RIMS1: variants seen among roughly 807,000 people sequenced by gnomAD.
RIMS1 encodes the protein regulating synaptic membrane exocytosis 1, also known as regulating synaptic membrane exocytosis protein 1.
Under a neutral mutation model 214.1 loss-of-function variants are expected in RIMS1, and 83 were observed. The observed-to-expected ratio is 0.39, with a 90% CI of 0.32 to 0.47. The LOEUF (loss-of-function observed/expected upper bound fraction) is 0.47. Ranked by LOEUF, RIMS1 falls within the 20% of genes least tolerant of loss-of-function variation. The pLI is 0.99. For synonymous variants in RIMS1, 793 were observed against 786.8 expected (o/e 1.01, Z -0.13); for missense variants, 2,050 against 2,161.8 (o/e 0.95, Z 1.03).
intron 4 of RIMS1, among the ~76,000 whole-genome samples, chr6:72,150,709 A>G (rs1369828394): frequency 6.6e-6 from 1 of 152,166 alleles, no homozygotes; most frequent in South Asian, 2.1e-4. Context: ...TTGCCTGTTC[A>G]TTTTGTTTGT....
At chr6:72,353,991 A>G (rs1594917123) in intron 29 of RIMS1, among the ~76,000 whole-genome samples, 2 of 152,014 alleles carry the variant, frequency 1.3e-5, no homozygotes, top group Non-Finnish European at 2.9e-5. Context: ...AGGCCGAGGA[A>G]GGTGAATCAC....
At chr6:72,381,568 T>C (rs570399793) in intron 29 of RIMS1, among the ~76,000 whole-genome samples, 3 of 152,348 alleles carry the variant, frequency 2.0e-5, no homozygotes, top group African/African-American at 7.2e-5. Context: ...TACTTAAATA[T>C]TTTTGGGCAG....
chr6:72,196,367 C>CTGTT (rs1185884223), intron 6 of RIMS1, among the ~76,000 whole-genome samples: 147 of 121,048 alleles, frequency 1.2e-3, no homozygotes, highest in African/African-American at 4.5e-3. Flanking sequence ...GTCTGTCTGT[C>CTGTT]TGTCTGTCTG....
chr6:72,242,211 A>G (rs1394901452), intron 9 of RIMS1, 103 bp from the exon 10 acceptor site: 1 of 902,116 alleles, frequency 1.1e-6, no homozygotes, highest in Non-Finnish European at 1.7e-6. Context: ...AGACAATTAA[A>G]CTATTTGTAT....
At chr6:72,006,888 A>C (rs1276710312) in intron 2 of RIMS1, among the ~76,000 whole-genome samples, 1 of 152,142 alleles carries the variant, frequency 6.6e-6, no homozygotes, top group East Asian at 1.9e-4. Context: ...TGTAGACTCC[A>C]CCTCTGGGGG....
chr6:72,053,473 T>TTTGGA (rs1825279958), intron 2 of RIMS1, among the ~76,000 whole-genome samples: 1 of 152,128 alleles, frequency 6.6e-6, no homozygotes, highest in Non-Finnish European at 1.5e-5. Flanking sequence ...TAGACACAGA[T>TTTGGA]TTGGATTGTT....
Position 72,182,315 on chromosome 6 carries a change from G to A in RIMS1, c.844G>A (p.Gly282Ser). Residue 282 changes from glycine to serine, a missense_variant, in exon 6 of 34, where the codon GGC becomes AGC. Transcript: ENST00000521978. The part of the protein sequence containing the change: ...KKTPGLSEQN[G>S]KGALKSERKR... ...GACCCCAGGGCTTTCCGAGCAGAAT[G>A]GCAAAGGAGCCCTGAAGAGCGAGCG... 1 of 1,606,406 alleles carries A rather than the reference G, an allele frequency of 6.2e-7. No homozygotes were observed. The highest frequency in any genetic ancestry group is 8.5e-7 in the Non-Finnish European group (1 of 1,176,312).
chr6:71,978,552 G>T (rs6913638), intron 2 of RIMS1, among the ~76,000 whole-genome samples: 80,633 of 151,854 alleles, frequency 0.53, 21,871 homozygotes, highest in East Asian at 0.82. Context: ...TAAAAATATA[G>T]CTCATTTACT....
intron 29 of RIMS1, among the ~76,000 whole-genome samples, chr6:72,389,991 G>C (rs767214837): frequency 6.6e-5 from 10 of 152,154 alleles, no homozygotes; most frequent in African/African-American, 9.7e-5. Flanking sequence ...TGTAGTCTTT[G>C]AATTAAGATA....
chr6:72,197,608 G>A (rs17782422), intron 6 of RIMS1, among the ~76,000 whole-genome samples: 1,704 of 152,120 alleles, frequency 0.011, 10 homozygotes, highest in Non-Finnish European at 0.017. Context: ...GAAGTGCTTC[G>A]ACAAAGGTGA....
intron 19 of RIMS1, among the ~76,000 whole-genome samples, chr6:72,264,230 CA>C (rs369218090): frequency 6.6e-5 from 10 of 151,738 alleles, no homozygotes; most frequent in Non-Finnish European, 1.2e-4. Flanking sequence ...ATTAAATTAT[CA>C]AAAAAAATAT....
intron 1 of RIMS1, among the ~76,000 whole-genome samples, chr6:71,920,982 C>T (rs916575677): frequency 1.3e-5 from 2 of 152,130 alleles, no homozygotes; most frequent in East Asian, 1.9e-4. Flanking sequence ...ACATGTAATT[C>T]ATATTAATAA....
chr6:71,992,404 C>T lies in RIMS1; in HGVS notation c.245+23341C>T, dbSNP rs550050630. On this transcript the variant is annotated intron_variant, in intron 2 of 33. Transcript: ENST00000521978. Reference sequence around the variant, plus strand: ...TGCTTGCTTCTTTCTTTCTCTCTCTCTCTTTCTTTCTTTCTTTCTTTCTTT... The same window carrying T: ...TGCTTGCTTCTTTCTTTCTCTCTCTTTCTTTCTTTCTTTCTTTCTTTCTTT... Among the ~76,000 whole-genome samples the T allele has an allele frequency of 2.7e-3, 296 of 110,136 alleles. 3 individuals carry two copies. The highest frequency in any genetic ancestry group is 4.0e-3 in the African/African-American group (108 of 27,218). The allele number at this position is 110,136 out of a possible 152,430, so 72.3% of individuals were successfully genotyped here. A position where few individuals can be genotyped will look rare whatever the true frequency, so the allele number is the denominator to read the frequency against.
intron 23 of RIMS1, among the ~76,000 whole-genome samples, chr6:72,282,212 T>C (rs1231148300): frequency 1.3e-5 from 2 of 152,134 alleles, no homozygotes; most frequent in African/African-American, 2.4e-5. Context: ...ACTATTTTTA[T>C]TTTGAGCTCC....
At chr6:72,252,674 C>T in intron 15 of RIMS1, 87 bp from the exon 16 acceptor site, 1 of 1,022,530 alleles carries the variant, frequency 9.8e-7, no homozygotes, top group Non-Finnish European at 1.5e-6. Flanking sequence ...TAATGCAATT[C>T]ACTTTTTAAA....
intron 29 of RIMS1, among the ~76,000 whole-genome samples, chr6:72,353,995 G>C (rs1005654040): frequency 2.0e-5 from 3 of 152,080 alleles, no homozygotes; most frequent in Non-Finnish European, 2.9e-5. Context: ...CGAGGAAGGT[G>C]AATCACCTGA....
At chr6:71,889,307 A>C (rs761761577) in intron 1 of RIMS1, among the ~76,000 whole-genome samples, 1 of 152,226 alleles carries the variant, frequency 6.6e-6, no homozygotes. Flanking sequence ...AAAGGACAGC[A>C]ATTATAAGAT....
rs76000850 is a variant in RIMS1, at chr6:71,892,817, A to G, written c.164+5630A>G. Among the ~76,000 whole-genome samples, 972 of 152,274 alleles carry G rather than the reference A, an allele frequency of 6.4e-3. 10 individuals are homozygous for G. Among genetic ancestry groups the G allele is most frequent in the Middle Eastern group, 0.041 (12 of 294 alleles). On this transcript the variant is annotated intron_variant, in intron 1 of 33. Coordinates refer to ENST00000521978, the MANE Select transcript of RIMS1 (RefSeq NM_014989.7). ...AGGCGAATCCTCTGCTTACAGCCCA[A>G]TGTTGGCTGAGTTCCTATCATTTTA...
chr6:72,135,878 T>TTAGA (rs1343135837), intron 4 of RIMS1, among the ~76,000 whole-genome samples: 6 of 152,038 alleles, frequency 3.9e-5, no homozygotes, highest in Non-Finnish European at 5.9e-5. Flanking sequence ...CCCCATCTGT[T>TTAGA]TAGAAGATGG....
Sources: allele counts gnomAD v4.1 joint callset (sites outside exome capture counted in the v4.1 genomes callset), GRCh38; gene constraint gnomAD v4.1.1; transcripts MANE v1.5; gene names NCBI Gene and HGNC (gene_info 2026-07-23, HGNC 2026-07-21).